Variants in RASGRF1 observed in about 807,000 individuals in gnomAD.
RASGRF1 encodes Ras protein specific guanine nucleotide releasing factor 1.
RASGRF1 carries 40 observed loss-of-function variants against 138.7 expected under a neutral mutation model. The ratio of observed to expected loss-of-function variants is 0.29; its 90% CI spans 0.22 to 0.38. The LOEUF (loss-of-function observed/expected upper bound fraction) is 0.38. Among genes scored for constraint, RASGRF1 ranks in the 10% least tolerant of loss-of-function variants. The pLI is 1.00. For synonymous variants in RASGRF1, 614 were observed against 663.2 expected, an observed-to-expected ratio of 0.93 and a Z score of 1.14; for missense variants, 1,108 against 1,650.4, an observed-to-expected ratio of 0.67 and a Z score of 5.69.
intron 11 of RASGRF1, among the ~76,000 whole-genome samples, chr15:79,019,510 G>A (rs980937715): frequency 6.6e-6 from 1 of 152,022 alleles, no homozygotes; most frequent in African/African-American, 2.4e-5. Context: ...CCCCTGCAAG[G>A]GCATGGTTCT....
intron 26 of RASGRF1, among the ~76,000 whole-genome samples, 175 bp downstream of exon 26, chr15:78,971,691 C>T (rs565581037): frequency 2.0e-5 from 3 of 152,150 alleles, no homozygotes; most frequent in Non-Finnish European, 2.9e-5. Context: ...TGAACACAGG[C>T]CCAATTTGAA....
intron 19 of RASGRF1, among the ~76,000 whole-genome samples, chr15:78,997,649 T>A (rs1474125722): frequency 2.0e-5 from 3 of 148,534 alleles, no homozygotes; most frequent in African/African-American, 7.5e-5. Flanking sequence ...GGCAGGAGAA[T>A]CTCTTGAACC....
At chr15:78,988,457 C>G (rs183528678) in intron 22 of RASGRF1, among the ~76,000 whole-genome samples, 1 of 152,296 alleles carries the variant, frequency 6.6e-6, no homozygotes, top group East Asian at 1.9e-4. Context: ...GAGAGGCACA[C>G]GAGTCTCCTT....
rs555828457 is a variant in RASGRF1 at position 79,027,262 on chromosome 15, CCTT to C, written c.1381+476_1381+478del. On this transcript the variant is annotated intron_variant, in intron 9 of 26. Coordinates refer to ENST00000558480, the MANE Select transcript of RASGRF1 (RefSeq NM_001145648.3). The surrounding 1 kb of genome is among the most constrained non-coding windows in gnomAD (Gnocchi z 4.8). ...AAGCGAGGCTGAAGCTTGGGAAAGA[CCTT>C]CTACCCATGAGAACCACTGTGAAAA... 1.4e-4 allele frequency among the ~76,000 whole-genome samples: 22 copies of C among 152,242 alleles called. No homozygotes were observed. In the South Asian group the frequency reaches 4.6e-3, roughly 32 times the overall value.
intron 10 of RASGRF1, among the ~76,000 whole-genome samples, chr15:79,024,862 T>C (rs2057021841): frequency 6.7e-6 from 1 of 150,084 alleles, no homozygotes; most frequent in African/African-American, 2.5e-5. Flanking sequence ...TATAAACACA[T>C]ACAGACACAC....
At chr15:79,040,541 C>T (rs1056632399) in intron 5 of RASGRF1, among the ~76,000 whole-genome samples, 2 of 152,178 alleles carry the variant, frequency 1.3e-5, no homozygotes, top group Admixed American at 6.5e-5. Flanking sequence ...CCTTCTGTTC[C>T]CTGGATTTGC....
intron 1 of RASGRF1, among the ~76,000 whole-genome samples, chr15:79,068,848 T>C (rs1343571378): frequency 1.3e-5 from 2 of 152,088 alleles, no homozygotes; most frequent in African/African-American, 4.8e-5. Context: ...GGTCTAGGCA[T>C]GGCACTGTGT....
At chr15:78,987,568 C>A (rs1174012538) in intron 22 of RASGRF1, among the ~76,000 whole-genome samples, 1 of 152,048 alleles carries the variant, frequency 6.6e-6, no homozygotes, top group African/African-American at 2.4e-5. Context: ...CAGTGGCATG[C>A]ACCTGTAATC....
intron 13 of RASGRF1, among the ~76,000 whole-genome samples, chr15:79,012,179 T>C (rs926863653): frequency 6.6e-6 from 1 of 152,110 alleles, no homozygotes; most frequent in Non-Finnish European, 1.5e-5. Flanking sequence ...TCCTCGACCC[T>C]GCACTCTCCC....
intron 24 of RASGRF1, among the ~76,000 whole-genome samples, chr15:78,977,393 C>T (rs1867315): frequency 6.6e-6 from 1 of 151,644 alleles, no homozygotes; most frequent in African/African-American, 2.4e-5. Flanking sequence ...GGTTCTGGCA[C>T]GAGGTACAGG....
intron 24 of RASGRF1, 39 bp downstream of exon 24, chr15:78,980,581 G>T: frequency 1.3e-6 from 2 of 1,525,336 alleles, no homozygotes; most frequent in Non-Finnish European, 1.8e-6. Flanking sequence ...GCAGGTCTAT[G>T]ATTTTAAAAA....
chr15:79,046,901 C>T lies in RASGRF1; in HGVS notation c.723G>A (p.Arg241=). ...RSPHADSMRK[R]NQVVFSMLEA... ...CCAGCATGCTGAACACCACCTGGTT[C>T]CTCTTGCGCATGCTGTCAGCATGGG... Residue 241 remains arginine (R), a synonymous_variant, in exon 5 of 27, where the codon AGG becomes AGA. Transcript: ENST00000558480. This position sits in a 1 kb window ranked among gnomAD's most constrained non-coding sequence, Gnocchi z 5.3. 1 of 1,614,216 alleles carries T rather than the reference C, an allele frequency of 6.2e-7. No homozygotes were observed. Among genetic ancestry groups the T allele is most frequent in the Non-Finnish European group, 8.5e-7 (1 of 1,180,050 alleles).
intron 6 of RASGRF1, among the ~76,000 whole-genome samples, chr15:79,033,049 TGTCCAAGCAGGGCTTCCA>T (rs2057164812): frequency 6.6e-6 from 1 of 152,160 alleles, no homozygotes; most frequent in Non-Finnish European, 1.5e-5. Context: ...CATCTGCCAT[TGTCCAAGCAGGGCTTCCA>T]GGCTCTGCAT....
At chr15:79,018,502 A>G (rs1315983216) in intron 11 of RASGRF1, among the ~76,000 whole-genome samples, 1 of 152,190 alleles carries the variant, frequency 6.6e-6, no homozygotes, top group African/African-American at 2.4e-5. Context: ...TTTTCAATGC[A>G]CTCACATTAA....
chr15:79,005,923 C>T (rs970527646), intron 14 of RASGRF1, among the ~76,000 whole-genome samples: 2 of 152,132 alleles, frequency 1.3e-5, no homozygotes, highest in Non-Finnish European at 1.5e-5. Context: ...CCCTCCACAC[C>T]CCAGGATCCT....
intron 4 of RASGRF1, among the ~76,000 whole-genome samples, chr15:79,048,986 A>G (rs745845142): frequency 6.6e-6 from 1 of 152,128 alleles, no homozygotes; most frequent in Non-Finnish European, 1.5e-5. Context: ...GTAGCTTCTG[A>G]GATGTCTGTC....
At chr15:78,962,747 G>T (rs868590247) in intron 26 of RASGRF1, among the ~76,000 whole-genome samples, 4 of 152,178 alleles carry the variant, frequency 2.6e-5, no homozygotes, top group Non-Finnish European at 5.9e-5. Context: ...GCTGGGTATT[G>T]TGGTGTGCAC....
intron 23 of RASGRF1, among the ~76,000 whole-genome samples, chr15:78,983,837 T>G (rs1260376262): frequency 6.6e-6 from 1 of 152,224 alleles, no homozygotes; most frequent in African/African-American, 2.4e-5. Flanking sequence ...AGTAGCATCT[T>G]TCACGGTCCT....
At chr15:78,977,448 G>C (rs186120720) in intron 24 of RASGRF1, among the ~76,000 whole-genome samples, 1 of 152,292 alleles carries the variant, frequency 6.6e-6, no homozygotes, top group African/African-American at 2.4e-5. Flanking sequence ...GCGATGGGGT[G>C]GGGGTGGAAA....
Sources: allele counts gnomAD v4.1 joint callset (sites outside exome capture counted in the v4.1 genomes callset), GRCh38; gene constraint gnomAD v4.1.1; non-coding constraint Gnocchi (gnomAD v3.1); transcripts MANE v1.5; gene names NCBI Gene and HGNC (gene_info 2026-07-23, HGNC 2026-07-21).